PTK2: variants seen among roughly 807,000 people sequenced by gnomAD.
PTK2 encodes the protein focal adhesion kinase 1.
PTK2 carries 45 observed loss-of-function variants against 150.1 expected under a neutral mutation model. The observed-to-expected ratio is 0.30, with a 90% CI of 0.24 to 0.38. The LOEUF (loss-of-function observed/expected upper bound fraction) is 0.38, where lower values mean the gene tolerates loss of function less well. Among genes scored for constraint, PTK2 ranks in the 10% least tolerant of loss-of-function variants. PTK2 has a pLI of 1.00. For synonymous variants in PTK2, 432 were observed against 449.2 expected, an observed-to-expected ratio of 0.96 and a Z score of 0.48; for missense variants, 919 against 1,307.3, an observed-to-expected ratio of 0.70 and a Z score of 4.58.
chr8:140,957,752 T>C (rs1030160944), intron 1 of PTK2, among the ~76,000 whole-genome samples: 1 of 152,214 alleles, frequency 6.6e-6, no homozygotes, highest in African/African-American at 2.4e-5. Context: ...TACAACTGCC[T>C]ACAATATTCT....
rs189305795 is a variant in PTK2 at position 140,964,913 on chromosome 8, T to C, written c.-122+36212A>G. Among the ~76,000 whole-genome samples the C allele has an allele frequency of 2.4e-4, 36 of 152,282 alleles. 2 individuals carry two copies. Among genetic ancestry groups the C allele is most frequent in the African/African-American group, 8.4e-4 (35 of 41,556 alleles). ...TTCTTTGCTCCCAAGAAAAAAGGTA[T>C]TTATCCTATATCCTCTTTCTCTCCA... On this transcript the variant is annotated intron_variant, in intron 1 of 31. Coordinates refer to ENST00000522684, the Ensembl canonical transcript of PTK2.
intron 2 of PTK2, among the ~76,000 whole-genome samples, chr8:140,892,218 C>T (rs577864686): frequency 1.4e-4 from 22 of 151,950 alleles, no homozygotes; most frequent in African/African-American, 5.1e-4. Context: ...AACAAACAAA[C>T]GAACAAACAC....
chr8:140,663,268 C>T (rs1485480178), intron 31 of PTK2, among the ~76,000 whole-genome samples: 1 of 152,194 alleles, frequency 6.6e-6, no homozygotes, highest in African/African-American at 2.4e-5. Flanking sequence ...TGACAATGTG[C>T]TGACATGTTA....
chr8:140,928,306 T>C (rs1037186201), intron 1 of PTK2, among the ~76,000 whole-genome samples: 4 of 151,982 alleles, frequency 2.6e-5, no homozygotes, highest in Admixed American at 6.6e-5. Flanking sequence ...AAATAGAAAA[T>C]AAGGTTTGGC....
chr8:140,820,363 A>T (rs1395291878), intron 8 of PTK2, among the ~76,000 whole-genome samples: 1 of 151,522 alleles, frequency 6.6e-6, no homozygotes, highest in African/African-American at 2.4e-5. Context: ...AGCCTCCGAA[A>T]GTGCTGGGAT....
chr8:140,784,316 A>G (rs2100083645), intron 14 of PTK2, among the ~76,000 whole-genome samples: 1 of 152,200 alleles, frequency 6.6e-6, no homozygotes, highest in Non-Finnish European at 1.5e-5. Context: ...TAGTCCAAAC[A>G]TGTAACAAGA....
intron 1 of PTK2, among the ~76,000 whole-genome samples, chr8:140,978,768 C>G (rs1237301470): frequency 1.3e-5 from 2 of 150,594 alleles, no homozygotes; most frequent in Non-Finnish European, 3.0e-5. Context: ...TGGGTATATA[C>G]CCAAAGGACT....
intron 18 of PTK2, among the ~76,000 whole-genome samples, chr8:140,745,810 G>T (rs1467664617): frequency 6.6e-6 from 1 of 152,040 alleles, no homozygotes; most frequent in Non-Finnish European, 1.5e-5. Flanking sequence ...GACCAGCCTG[G>T]CCAACATGGT....
intron 10 of PTK2, among the ~76,000 whole-genome samples, chr8:140,813,667 A>G (rs1167505148): frequency 6.6e-6 from 1 of 152,264 alleles, no homozygotes; most frequent in Non-Finnish European, 1.5e-5. Flanking sequence ...GTAAATTTGT[A>G]GCACTAAATG....
chr8:140,706,050 T>G, intron 24 of PTK2, 69 bp downstream of exon 27: 1 of 1,265,272 alleles, frequency 7.9e-7, no homozygotes, highest in Non-Finnish European at 1.1e-6. Context: ...ATATGCACAA[T>G]GTACCGCTCT....
In PTK2 at chr8:140,902,924, G is replaced by GTTTTTTTTTTTTTTTTTT. The variant is rs61261890; in HGVS notation, c.-32-12173_-32-12156dup. Among the ~76,000 whole-genome samples, 3 of 58,964 alleles carry GTTTTTTTTTTTTTTTTTT rather than the reference G, an allele frequency of 5.1e-5. No individual in the cohort carries two copies. The East Asian group carries it at 1.2e-3, about 23-fold the overall frequency. 38.7% of individuals were successfully genotyped at this position (58,964 alleles called of 152,430 possible). ...TTGCCTGTTCACTCTGATGAGAGTT[G>GTTTTTTTTTTTTTTTTTT]TTTTTTTTTTTTTTTTTTTTTTTTT... On this transcript the variant is annotated intron_variant, in intron 2 of 31. Coordinates refer to ENST00000522684, the Ensembl canonical transcript of PTK2.
intron 10 of PTK2, among the ~76,000 whole-genome samples, chr8:140,817,139 A>C (rs902497780): frequency 3.9e-5 from 6 of 152,226 alleles, no homozygotes; most frequent in African/African-American, 1.2e-4. Context: ...AGAGTGAAAT[A>C]ACCAAGTAGG....
Position 140,743,785 on chromosome 8 carries a change from T to C in PTK2, c.1635-455A>G, listed in dbSNP as rs553083737. On this transcript the variant is annotated intron_variant, in intron 19 of 31. Transcript: ENST00000522684. ...AGATGCTTAGTTTTTCTTTTCTTTT[T>C]TTTTTTTTTTGAGACAGAGTCTCGC... 1.7e-4 allele frequency among the ~76,000 whole-genome samples: 26 copies of C among 150,776 alleles called. No homozygotes were observed. The South Asian group carries it at 4.2e-3, about 24-fold the overall frequency.
rs202046739 is a variant in PTK2 at position 140,890,533 on chromosome 8, A to C, written c.195+10T>G. On this transcript the variant is annotated intron_variant, in intron 3 of 31. Transcript: ENST00000522684. ...AACATTAAAGATGTCTCATGGAAAA[A>C]CGTACTTACCCTGACATCAGTAGCA... 2.9e-4 allele frequency: 470 copies of C among 1,606,826 alleles called. 2 individuals carry two copies. The Admixed American group carries it at 7.3e-3, about 25-fold the overall frequency.
At chr8:140,811,262 T>G (rs1388243489) in intron 10 of PTK2, among the ~76,000 whole-genome samples, 1 of 152,066 alleles carries the variant, frequency 6.6e-6, no homozygotes, top group Non-Finnish European at 1.5e-5. Context: ...AATACCAGTC[T>G]CCCAGAATTA....
rs1341318277 is a variant in PTK2 at position 140,664,834 on chromosome 8, G to A, written c.2946+83C>T. ...CTCTGCTGGCCACAGACTGAGGAGCGGCCTTCAGCACCACAGGCATCCCTG... is the reference window on the plus strand; with the variant it reads ...CTCTGCTGGCCACAGACTGAGGAGCAGCCTTCAGCACCACAGGCATCCCTG... On this transcript the variant is annotated intron_variant, in intron 31 of 31. Transcript: ENST00000522684. 84 of 1,347,110 alleles carry A rather than the reference G, an allele frequency of 6.2e-5. 1 individual carries two copies. The highest frequency in any genetic ancestry group is 9.3e-5 in the East Asian group (4 of 42,830). The allele number at this position is 1,347,110 out of a possible 1,614,324, so 83.4% of individuals were successfully genotyped here. A position where few individuals can be genotyped will look rare whatever the true frequency, so the allele number is the denominator to read the frequency against.
At chr8:141,001,747 C>G (rs1403962728), upstream of PTK2, among the ~76,000 whole-genome samples, 1 of 152,212 alleles carries the variant, frequency 6.6e-6, no homozygotes, top group East Asian at 1.9e-4. Context: ...CTGTCGGGCA[C>G]CCGCTGCGGG....
intron 4 of PTK2, among the ~76,000 whole-genome samples, chr8:140,868,049 T>C (rs1342366153): frequency 6.6e-6 from 1 of 152,208 alleles, no homozygotes; most frequent in Non-Finnish European, 1.5e-5. Context: ...AATCATTCTT[T>C]CGTTCCTACT....
chr8:140,796,690 CACCA>C (rs1203478773), intron 12 of PTK2, among the ~76,000 whole-genome samples: 4 of 152,126 alleles, frequency 2.6e-5, no homozygotes, highest in Non-Finnish European at 5.9e-5. Flanking sequence ...TGGCAACAGA[CACCA>C]TCAGTAGAAG....
Sources: allele counts gnomAD v4.1 joint callset (sites outside exome capture counted in the v4.1 genomes callset), GRCh38; gene constraint gnomAD v4.1.1; transcripts MANE v1.5; gene names NCBI Gene and HGNC (gene_info 2026-07-23, HGNC 2026-07-21).